ROBO2: variants seen among roughly 807,000 people sequenced by gnomAD.
The protein encoded by ROBO2 is roundabout homolog 2.
In ROBO2, 53 loss-of-function variants were observed where a neutral mutation model predicts 160.8. The ratio of observed to expected loss-of-function variants is 0.33; its 90% CI spans 0.26 to 0.41. The LOEUF is 0.41. ROBO2 is among the 10% of genes least tolerant of loss of function. The probability of loss-of-function intolerance (pLI) is 1.00; values close to 1 mark genes in which losing one functional copy is unlikely to be tolerated. For synonymous variants in ROBO2, 664 were observed against 611.7 expected (o/e 1.09, Z -1.26); for missense variants, 1,577 against 1,722.4 (o/e 0.92, Z 1.49).
chr3:76,586,228 A>G (rs1312627672), intron 2 of ROBO2, among the ~76,000 whole-genome samples: 1 of 152,240 alleles, frequency 6.6e-6, no homozygotes, highest in African/African-American at 2.4e-5. Flanking sequence ...TTATAGCAAT[A>G]GGTACATTTA....
chr3:77,011,922 G>A (rs937971401), intron 2 of ROBO2, among the ~76,000 whole-genome samples: 1 of 152,092 alleles, frequency 6.6e-6, no homozygotes, highest in African/African-American at 2.4e-5. Flanking sequence ...AAAGAGATAT[G>A]AGGAGCACCC....
exon 11 of ROBO2, chr3:77,563,297 T>C (rs1230928933): frequency 6.2e-7 from 1 of 1,613,440 alleles, no homozygotes; most frequent in African/African-American, 1.3e-5. Context: ...CTGGAACCCT[T>C]CCAGCAAGTG....
At chr3:76,206,581 T>C (rs1702819943) in intron 2 of ROBO2, among the ~76,000 whole-genome samples, 1 of 152,146 alleles carries the variant, frequency 6.6e-6, no homozygotes, top group African/African-American at 2.4e-5. Flanking sequence ...GTGCTCTGGG[T>C]CCAACGTGCA....
At chr3:76,785,459 A>G (rs2062912894) in intron 2 of ROBO2, among the ~76,000 whole-genome samples, 1 of 151,260 alleles carries the variant, frequency 6.6e-6, no homozygotes, top group Admixed American at 6.6e-5. Flanking sequence ...AGCTCATCTG[A>G]TAATATGTAT....
chr3:77,543,710 G>A (rs184574598), intron 6 of ROBO2, among the ~76,000 whole-genome samples: 42 of 152,116 alleles, frequency 2.8e-4, no homozygotes, highest in Admixed American at 2.8e-3. Context: ...GATTTCATTT[G>A]ATGATTTCAA....
At chr3:77,405,180 G>A (rs2076159994) in intron 2 of ROBO2, among the ~76,000 whole-genome samples, 3 of 152,086 alleles carry the variant, frequency 2.0e-5, no homozygotes, top group Admixed American at 6.6e-5. Flanking sequence ...CACAATAAAG[G>A]ATGAATAAGA....
chr3:76,622,433 C>G (rs1247731418), intron 2 of ROBO2, among the ~76,000 whole-genome samples: 2 of 152,014 alleles, frequency 1.3e-5, no homozygotes, highest in African/African-American at 4.8e-5. Flanking sequence ...CCACTGCCCT[C>G]CAGCTGGAGC....
At chr3:77,588,958 A>G (rs748472515) in intron 17 of ROBO2, 25 bp downstream of exon 18, 2 of 1,610,524 alleles carry the variant, frequency 1.2e-6, no homozygotes, top group African/African-American at 1.3e-5. Context: ...CCAGCTAAGA[A>G]AATCTCTTGT....
At chr3:76,424,345 A>G (rs891350448) in intron 2 of ROBO2, among the ~76,000 whole-genome samples, 30 of 152,200 alleles carry the variant, frequency 2.0e-4, no homozygotes, top group African/African-American at 7.0e-4. Flanking sequence ...TTCATTATTT[A>G]TTAGTATTCC....
chr3:76,500,143 T>A (rs909546477), intron 2 of ROBO2, among the ~76,000 whole-genome samples: 1 of 152,100 alleles, frequency 6.6e-6, no homozygotes, highest in African/African-American at 2.4e-5. Context: ...TTATTAGAGA[T>A]AATCTCAATC....
intron 2 of ROBO2, among the ~76,000 whole-genome samples, chr3:76,354,935 T>G (rs1311462449): frequency 6.6e-6 from 1 of 151,902 alleles, no homozygotes; most frequent in Non-Finnish European, 1.5e-5. Flanking sequence ...AATTTTCCTA[T>G]TTCACAGAAC....
rs192467848 is a variant in ROBO2 at position 76,150,311 on chromosome 3, C to T, written c.109+212709C>T. ...CTAAAACACACATCTGTCTAAAGCA[C>T]ACATCATCTGTCTAAAACACATATC... is the stretch of plus-strand genomic sequence containing the variant. On this transcript the variant is annotated intron_variant, in intron 2 of 26. Coordinates refer to the ROBO2 transcript ENST00000487694. 2.2e-3 allele frequency among the ~76,000 whole-genome samples: 331 copies of T among 151,880 alleles called. 1 individual carries two copies. The highest frequency in any genetic ancestry group is 7.9e-3 in the African/African-American group (326 of 41,422).
intron 13 of ROBO2, among the ~76,000 whole-genome samples, chr3:77,574,176 G>C (rs2093705229): frequency 6.6e-6 from 1 of 152,070 alleles, no homozygotes; most frequent in Admixed American, 6.6e-5. Context: ...TAAAGTTAGA[G>C]ATACTGGCAG....
At chr3:76,143,178 C>T (rs1286090997) in intron 2 of ROBO2, among the ~76,000 whole-genome samples, 1 of 151,870 alleles carries the variant, frequency 6.6e-6, no homozygotes. Flanking sequence ...ACGCATGCAC[C>T]ACTATATTCA....
chr3:76,875,565 C>G (rs1322413859), intron 2 of ROBO2, among the ~76,000 whole-genome samples: 2 of 152,136 alleles, frequency 1.3e-5, no homozygotes, highest in Non-Finnish European at 2.9e-5. Context: ...CTTGCCTTTT[C>G]CAGCCTCCAG....
intron 2 of ROBO2, among the ~76,000 whole-genome samples, chr3:76,429,647 T>C (rs572157607): frequency 7.9e-5 from 12 of 152,282 alleles, no homozygotes; most frequent in African/African-American, 2.4e-4. Context: ...CTTGGTCCAA[T>C]TTAAATTTAA....
chr3:76,176,119 G>A (rs1227729150), intron 2 of ROBO2, among the ~76,000 whole-genome samples: 5 of 151,968 alleles, frequency 3.3e-5, no homozygotes, highest in Non-Finnish European at 7.4e-5. Flanking sequence ...TGGTTTTTGT[G>A]TTATACATTA....
intron 1 of ROBO2, among the ~76,000 whole-genome samples, chr3:75,922,592 C>T (rs2106845171): frequency 6.6e-6 from 1 of 152,058 alleles, no homozygotes; most frequent in South Asian, 2.1e-4. Flanking sequence ...CTGTATGAAA[C>T]TCATGAACAC....
chr3:77,490,598 A>G (rs72901132), intron 4 of ROBO2, among the ~76,000 whole-genome samples: 2,322 of 152,212 alleles, frequency 0.015, 60 homozygotes, highest in African/African-American at 0.053. Context: ...GCTTCAAGTA[A>G]TATAAATCTG....
Sources: gnomAD v4.1 joint callset for allele counts (sites outside exome capture counted in the v4.1 genomes callset) on GRCh38, gnomAD v4.1.1 for gene constraint, MANE v1.5 for transcripts, NCBI Gene and HGNC (gene_info 2026-07-23, HGNC 2026-07-21) for gene names.